The following SMAD1 variants were observed in gnomAD, a reference collection of about 807,000 sequenced individuals.
SMAD1 encodes MAD, mothers against decapentaplegic homolog 1.
In SMAD1, 6 loss-of-function variants were observed where a neutral mutation model predicts 41.6. The observed-to-expected ratio is 0.14, with a 90% confidence interval of 0.08 to 0.28. SMAD1 has a LOEUF of 0.28. Ranked by LOEUF, SMAD1 falls within the 10% of genes least tolerant of loss-of-function variation. The pLI, the probability that SMAD1 is intolerant of heterozygous loss-of-function variation, is 1.00. For missense variants in SMAD1, 379 were observed against 582.6 expected (o/e 0.65, Z 3.60); for synonymous variants, 206 against 203.2 (o/e 1.01, Z -0.12).
At chr4:145,550,190 A>G (rs1732479594) in intron 5 of SMAD1, among the ~76,000 whole-genome samples, 1 of 152,186 alleles carries the variant, frequency 6.6e-6, no homozygotes, top group South Asian at 2.1e-4. Context: ...CTCGGGATAG[A>G]TTCTTGAAGT....
intron 2 of SMAD1, among the ~76,000 whole-genome samples, chr4:145,526,131 A>G (rs1473680542): frequency 2.0e-5 from 3 of 152,224 alleles, no homozygotes; most frequent in South Asian, 2.1e-4. Flanking sequence ...GTCGCACATC[A>G]CCTTCACTTG....
chr4:145,534,428 G>A (rs1477614410), intron 2 of SMAD1, among the ~76,000 whole-genome samples: 1 of 152,174 alleles, frequency 6.6e-6, no homozygotes, highest in Admixed American at 6.5e-5. Flanking sequence ...TAAACAAGGT[G>A]ATAACTGAAG....
At chr4:145,539,754 GATC>G in intron 2 of SMAD1, 47 bp from the exon 3 acceptor site, 1 of 1,550,166 alleles carries the variant, frequency 6.5e-7, no homozygotes. Flanking sequence ...TGTAATTATA[GATC>G]ATAATTCTCA....
Position 145,514,499 on chromosome 4 carries a change from A to C in SMAD1, c.-115A>C. The C allele has an allele frequency of 9.7e-7, 1 of 1,032,930 alleles. No individual in the cohort carries two copies. The allele number at this position is 1,032,930 out of a possible 1,614,324, so 64.0% of individuals were successfully genotyped here. On this transcript the variant is annotated 5_prime_UTR_variant, in exon 2 of 7. Coordinates refer to ENST00000302085, the MANE Select transcript of SMAD1 (RefSeq NM_005900.3). The surrounding 1 kb of genome is among the most constrained non-coding windows in gnomAD (Gnocchi z 4.7). Reference sequence around the variant, plus strand: ...GTAATTTCTACTCTTCTGGACTTCAAACTAAGAAGTTAAAGAGACTTCTCT... The same window carrying C: ...GTAATTTCTACTCTTCTGGACTTCACACTAAGAAGTTAAAGAGACTTCTCT...
intron 1 of SMAD1, among the ~76,000 whole-genome samples, chr4:145,493,112 C>G (rs1188212260): frequency 6.6e-6 from 1 of 152,158 alleles, no homozygotes; most frequent in East Asian, 1.9e-4. Context: ...ACTAGCATCC[C>G]CTACCCATCC....
intron 2 of SMAD1, among the ~76,000 whole-genome samples, chr4:145,535,515 T>C (rs1012461039): frequency 1.3e-5 from 2 of 152,182 alleles, no homozygotes; most frequent in African/African-American, 2.4e-5. Flanking sequence ...TGCACTAATA[T>C]GAAGTTTTTC....
At chr4:145,499,078 A>C (rs1324699343) in intron 1 of SMAD1, among the ~76,000 whole-genome samples, 1 of 152,144 alleles carries the variant, frequency 6.6e-6, no homozygotes, top group Admixed American at 6.5e-5. Flanking sequence ...TATACCACTC[A>C]TTACTCTTCC....
Position 145,514,371 on chromosome 4 carries a change from G to A in SMAD1, c.-176-67G>A, listed in dbSNP as rs1177832779. 2.2e-6 allele frequency: 1 copy of A among 446,224 alleles called. No individual in the cohort carries two copies. Among genetic ancestry groups the A allele is most frequent in the African/African-American group, 2.0e-5 (1 of 50,198 alleles). 27.6% of individuals were successfully genotyped at this position (446,224 alleles called of 1,614,324 possible). A position where few individuals can be genotyped will look rare whatever the true frequency, so the allele number is the denominator to read the frequency against. ...GCACTTAAAATAGTACCTAGCACAT[G>A]GTGATTACTTAATAAATGTGGTTGT... is the stretch of plus-strand genomic sequence containing the variant. On this transcript the variant is annotated intron_variant, in intron 1 of 6. Transcript: ENST00000302085. This position sits in a 1 kb window ranked among gnomAD's most constrained non-coding sequence, Gnocchi z 4.7.
intron 1 of SMAD1, among the ~76,000 whole-genome samples, chr4:145,491,461 A>G (rs551237057): frequency 4.6e-5 from 7 of 152,358 alleles, no homozygotes; most frequent in Non-Finnish European, 1.0e-4. Context: ...CAAACTACTA[A>G]TGAACACACA....
intron 5 of SMAD1, among the ~76,000 whole-genome samples, chr4:145,547,699 C>T (rs1387234671): frequency 2.6e-5 from 4 of 152,064 alleles, no homozygotes; most frequent in Admixed American, 1.3e-4. Flanking sequence ...CTTGGGTTTC[C>T]ACTGTGGAAA....
At chr4:145,526,128 A>G (rs1731005507) in intron 2 of SMAD1, among the ~76,000 whole-genome samples, 2 of 152,370 alleles carry the variant, frequency 1.3e-5, no homozygotes, top group South Asian at 2.1e-4. Context: ...GTGGTCGCAC[A>G]TCACCTTCAC....
At chr4:145,508,080 ATTT>A (rs35756866) in intron 1 of SMAD1, among the ~76,000 whole-genome samples, 46 of 138,394 alleles carry the variant, frequency 3.3e-4, no homozygotes, top group Non-Finnish European at 3.6e-4. Context: ...CTTGGTTTAG[ATTT>A]TTTTTTTTTT....
chr4:145,490,385 A>C (rs1303173588), intron 1 of SMAD1, among the ~76,000 whole-genome samples: 2 of 152,200 alleles, frequency 1.3e-5, no homozygotes, highest in Non-Finnish European at 2.9e-5. Context: ...GTGAGGAGGA[A>C]GATCAGCACA....
intron 1 of SMAD1, among the ~76,000 whole-genome samples, chr4:145,492,458 A>T (rs1334802401): frequency 6.6e-6 from 1 of 152,238 alleles, no homozygotes; most frequent in South Asian, 2.1e-4. Context: ...ACAGATGAAG[A>T]GATACATAGG....
chr4:145,528,713 A>G (rs1418497406), intron 2 of SMAD1, among the ~76,000 whole-genome samples: 4 of 152,238 alleles, frequency 2.6e-5, no homozygotes, highest in Non-Finnish European at 5.9e-5. Flanking sequence ...CAATAGATGA[A>G]TAGACACCAT....
chr4:145,546,776 G>T lies in SMAD1; in HGVS notation c.849G>T (p.Val283=). 6.2e-7 allele frequency: 1 copy of T among 1,614,064 alleles called. No homozygotes were observed. Among genetic ancestry groups the T allele is most frequent in the Non-Finnish European group, 8.5e-7 (1 of 1,179,976 alleles). Residue 283 remains valine, a synonymous_variant, in exon 5 of 7, where the codon GTG becomes GTT. Transcript: ENST00000302085. ...SIVYYELNNR[V]GEAFHASSTS... ...TCTACTATGAGCTCAACAATCGTGT[G>T]GGTGAAGCGTTCCATGCCTCCTCCA...
chr4:145,557,210 C>A (rs1408301237), intron 6 of SMAD1, among the ~76,000 whole-genome samples: 1 of 152,196 alleles, frequency 6.6e-6, no homozygotes, highest in African/African-American at 2.4e-5. Context: ...TTCTGCCAAG[C>A]TACCTTCTTG....
chr4:145,489,413 T>C (rs1367440263), intron 1 of SMAD1, among the ~76,000 whole-genome samples: 1 of 152,130 alleles, frequency 6.6e-6, no homozygotes, highest in East Asian at 1.9e-4. Context: ...TATTGAGTTA[T>C]GTGTGAGATG....
chr4:145,551,955 C>T (rs1016728340), intron 5 of SMAD1, among the ~76,000 whole-genome samples: 5 of 152,212 alleles, frequency 3.3e-5, no homozygotes, highest in Admixed American at 6.5e-5. Context: ...CAGAACATTG[C>T]TGTCATCCCA....
Sources: gnomAD v4.1 joint callset for allele counts (sites outside exome capture counted in the v4.1 genomes callset) on GRCh38, gnomAD v4.1.1 for gene constraint, Gnocchi (gnomAD v3.1) non-coding constraint, MANE v1.5 for transcripts, NCBI Gene and HGNC (gene_info 2026-07-23, HGNC 2026-07-21) for gene names.